Variants in NRXN1 observed in about 807,000 individuals in gnomAD.
The protein encoded by NRXN1 is neurexin-1.
Under a neutral mutation model 150.9 loss-of-function variants are expected in NRXN1, and 39 were observed. That is an observed-to-expected ratio of 0.26 (90% confidence interval 0.20 to 0.34). NRXN1 has a LOEUF of 0.34. NRXN1 is among the 10% of genes least tolerant of loss of function. The pLI, the probability that NRXN1 is intolerant of heterozygous loss-of-function variation, is 1.00. For missense variants in NRXN1, 1,815 were observed against 1,949.9 expected, an observed-to-expected ratio of 0.93 and a Z score of 1.30; for synonymous variants, 924 against 757.0, an observed-to-expected ratio of 1.22 and a Z score of -3.62.
chr2:50,704,323 T>A (rs970608438), intron 5 of NRXN1, among the ~76,000 whole-genome samples: 2 of 152,014 alleles, frequency 1.3e-5, no homozygotes, highest in African/African-American at 4.8e-5. Context: ...ATATTATTCA[T>A]CTTTAGGCAA....
chr2:50,981,833 GTGTGTGTGTA>G (rs1430201432), intron 2 of NRXN1, among the ~76,000 whole-genome samples: 5 of 147,782 alleles, frequency 3.4e-5, no homozygotes, highest in Admixed American at 6.8e-5. Flanking sequence ...GTGTGTGTGT[GTGTGTGTGTA>G]TGTGTGTGTG....
chr2:50,396,656 G>C (rs2103878591), intron 17 of NRXN1, among the ~76,000 whole-genome samples: 2 of 152,204 alleles, frequency 1.3e-5, no homozygotes, highest in South Asian at 4.1e-4. Flanking sequence ...TGCGAAGGAG[G>C]CATAGCAAGG....
At chr2:50,695,918 C>T (rs1172179200) in intron 5 of NRXN1, among the ~76,000 whole-genome samples, 2 of 148,666 alleles carry the variant, frequency 1.3e-5, no homozygotes, top group Non-Finnish European at 3.0e-5. Context: ...TCTTGGCTCA[C>T]TGCAACCTCT....
At chr2:50,662,618 G>T (rs570667051) in intron 5 of NRXN1, among the ~76,000 whole-genome samples, 22 of 151,442 alleles carry the variant, frequency 1.5e-4, no homozygotes, top group African/African-American at 5.3e-4. Flanking sequence ...GATTTTTTTT[G>T]TTGTTGTTAG....
chr2:50,233,759 T>A (rs146640703), intron 18 of NRXN1, among the ~76,000 whole-genome samples: 5 of 152,228 alleles, frequency 3.3e-5, no homozygotes, highest in African/African-American at 1.2e-4. Context: ...AAGTCAGTTA[T>A]ATTCACAAAC....
At chr2:49,960,165 AATGTGT>A (rs1276080915) in intron 21 of NRXN1, among the ~76,000 whole-genome samples, 1 of 152,170 alleles carries the variant, frequency 6.6e-6, no homozygotes, top group East Asian at 1.9e-4. Flanking sequence ...GGTTTGCAAG[AATGTGT>A]ATGAGTTTCA....
chr2:50,780,173 T>A (rs955812436), intron 5 of NRXN1, among the ~76,000 whole-genome samples: 2 of 152,188 alleles, frequency 1.3e-5, no homozygotes, highest in African/African-American at 4.8e-5. Context: ...CTTCTTTTGA[T>A]AAGTGTCCGT....
chr2:50,470,440 C>T (rs1270196964), intron 16 of NRXN1, among the ~76,000 whole-genome samples: 1 of 151,728 alleles, frequency 6.6e-6, no homozygotes, highest in African/African-American at 2.4e-5. Flanking sequence ...CATTACTAAC[C>T]TTATCCTCTA....
At chr2:49,975,476 C>T (rs1406927774) in intron 21 of NRXN1, among the ~76,000 whole-genome samples, 1 of 152,122 alleles carries the variant, frequency 6.6e-6, no homozygotes, top group Non-Finnish European at 1.5e-5. Flanking sequence ...CTCAATTTGT[C>T]TTGGCAACTA....
chr2:50,885,610 T>C (rs1680115169), intron 5 of NRXN1, among the ~76,000 whole-genome samples: 1 of 151,334 alleles, frequency 6.6e-6, no homozygotes, highest in African/African-American at 2.4e-5. Flanking sequence ...AAAAATGAAG[T>C]TGTCCCAGGA....
At chr2:50,131,005 G>C (rs558904125) in intron 18 of NRXN1, among the ~76,000 whole-genome samples, 3 of 152,150 alleles carry the variant, frequency 2.0e-5, no homozygotes, top group East Asian at 3.9e-4. Flanking sequence ...ATCTTTATTG[G>C]TACCATATTA....
intron 5 of NRXN1, among the ~76,000 whole-genome samples, chr2:50,782,602 A>T (rs1056116328): frequency 6.6e-6 from 1 of 152,210 alleles, no homozygotes; most frequent in African/African-American, 2.4e-5. Context: ...ATAAGAAAAA[A>T]GAAAAAAGTT....
At chr2:50,236,752 A>C in intron 18 of NRXN1, 37 bp downstream of exon 18, 1 of 1,602,372 alleles carries the variant, frequency 6.2e-7, no homozygotes. Flanking sequence ...GTTAACAGTA[A>C]AAAGTAAAAG....
intron 5 of NRXN1, among the ~76,000 whole-genome samples, chr2:50,790,901 CT>C (rs1261219000): frequency 6.6e-6 from 1 of 152,028 alleles, no homozygotes; most frequent in Non-Finnish European, 1.5e-5. Flanking sequence ...GGATTTTCCA[CT>C]TTTGGCATCA....
chr2:50,954,823 C>G (rs1056837722), intron 2 of NRXN1, among the ~76,000 whole-genome samples: 1 of 152,206 alleles, frequency 6.6e-6, no homozygotes, highest in Non-Finnish European at 1.5e-5. Context: ...CCAGAATTCA[C>G]TGTCAGAACT....
chr2:50,398,795 G>T (rs2082211058), intron 17 of NRXN1, among the ~76,000 whole-genome samples: 1 of 152,058 alleles, frequency 6.6e-6, no homozygotes, highest in African/African-American at 2.4e-5. Flanking sequence ...GTCATTTCTA[G>T]AGTTCCACTA....
At position 50,541,330 on chromosome 2, in the gene NRXN1, T is replaced by G. The variant is rs77510613; in HGVS notation, c.1760-2694A>C. Among the ~76,000 whole-genome samples the G allele has an allele frequency of 1.2e-3, 181 of 152,220 alleles. 4 individuals carry two copies. In the East Asian group the frequency reaches 0.018, roughly 16 times the overall value. On this transcript the variant is annotated intron_variant, in intron 9 of 22. Transcript: ENST00000401669. ...TGGAGGACTCCTGAGTCGAGGAAAT[T>G]CATTGGCTTCCACAACCCACTTTCT... is the stretch of plus-strand genomic sequence containing the variant.
chr2:50,205,863 G>A lies in NRXN1; in HGVS notation c.3546+30926C>T, dbSNP rs532886480. ...AAAAAGCCTAGTCACAAAAGATCAC[G>A]TATTATATTATTCTATTTATATGAC... On this transcript the variant is annotated intron_variant, in intron 18 of 22. Coordinates refer to ENST00000401669, the MANE Select transcript of NRXN1 (RefSeq NM_001330078.2). 3.9e-5 allele frequency among the ~76,000 whole-genome samples: 6 copies of A among 152,038 alleles called. No homozygotes were observed. In the South Asian group the frequency reaches 8.3e-4, roughly 21 times the overall value.
chr2:50,841,491 T>C (rs1672867585), intron 5 of NRXN1, among the ~76,000 whole-genome samples: 1 of 152,180 alleles, frequency 6.6e-6, no homozygotes, highest in Non-Finnish European at 1.5e-5. Context: ...ATGTTACATA[T>C]GTATACGTAT....
Sources: gnomAD v4.1 joint callset for allele counts (sites outside exome capture counted in the v4.1 genomes callset) on GRCh38, gnomAD v4.1.1 for gene constraint, MANE v1.5 for transcripts, NCBI Gene and HGNC (gene_info 2026-07-23, HGNC 2026-07-21) for gene names.